SLC5A4: variants seen among roughly 807,000 people sequenced by gnomAD.
The protein encoded by SLC5A4 is solute carrier family 5 member 4.
A neutral mutation model predicts 70.3 loss-of-function variants in SLC5A4; 55 were observed. That is an observed-to-expected ratio of 0.78 (90% CI 0.63 to 0.98). The LOEUF is 0.98. Ranked by LOEUF, SLC5A4 falls within the 50% of genes least tolerant of loss-of-function variation. The pLI is 0.00. For synonymous variants in SLC5A4, 268 were observed against 305.7 expected (o/e 0.88, Z 1.29); for missense variants, 735 against 839.2 (o/e 0.88, Z 1.53).
At chr22:32,246,310 CA>C in intron 5 of SLC5A4, among the ~76,000 whole-genome samples, 1 of 152,308 alleles carries the variant, frequency 6.6e-6, no homozygotes, top group South Asian at 2.1e-4. Flanking sequence ...TCACTTCCAA[CA>C]ACAACTCGGT....
chr22:32,244,807 G>A, intron 5 of SLC5A4, among the ~76,000 whole-genome samples: 1 of 152,142 alleles, frequency 6.6e-6, no homozygotes, highest in East Asian at 1.9e-4. Context: ...TGGGATTACA[G>A]GCAGAAGTCA....
In SLC5A4 at chr22:32,234,015, C is replaced by A. The variant is rs906158485; in HGVS notation, c.885+858G>T. 2.0e-5 allele frequency among the ~76,000 whole-genome samples: 3 copies of A among 152,058 alleles called. 1 individual carries two copies. The highest frequency in any genetic ancestry group is 7.3e-5 in the African/African-American group (3 of 41,378). Reference sequence around the variant, plus strand: ...TTGGGAGGATGGGGGAACAGGTGTGCTTGCATGGGGCTGAGAAGGGAAAGT... The same window carrying A: ...TTGGGAGGATGGGGGAACAGGTGTGATTGCATGGGGCTGAGAAGGGAAAGT... On this transcript the variant is annotated intron_variant, in intron 8 of 14. Transcript: ENST00000266086.
At chr22:32,351,730 GGGGCGGT>G in the SLC5A4 span, among the ~76,000 whole-genome samples, 2 of 51,572 alleles carry the variant, frequency 3.9e-5, no homozygotes, top group Non-Finnish European at 6.5e-5. Context: ...GGGGAGGGTG[GGGGCGGT>G]GGGGGGAGGG....
chr22:32,343,841 G>A, the SLC5A4 span, among the ~76,000 whole-genome samples: 2 of 152,202 alleles, frequency 1.3e-5, no homozygotes, highest in Admixed American at 1.3e-4. Context: ...ATTTTAAGGA[G>A]TGAGTCAGAA....
the SLC5A4 span, among the ~76,000 whole-genome samples, chr22:32,325,757 A>G: frequency 1.9e-4 from 29 of 152,262 alleles, no homozygotes; most frequent in African/African-American, 6.8e-4. Context: ...GGGGACCACT[A>G]GTCCCTGCAA....
chr22:32,326,344 C>T, the SLC5A4 span, among the ~76,000 whole-genome samples: 1 of 150,794 alleles, frequency 6.6e-6, no homozygotes, highest in Non-Finnish European at 1.5e-5. Flanking sequence ...GCAATCTCTG[C>T]CACCCGAGTT....
At chr22:32,310,312 T>C in the SLC5A4 span, among the ~76,000 whole-genome samples, 1 of 152,088 alleles carries the variant, frequency 6.6e-6, no homozygotes, top group Admixed American at 6.5e-5. Flanking sequence ...TCCTTCCTCT[T>C]ACTGATGGGG....
intron 5 of SLC5A4, among the ~76,000 whole-genome samples, chr22:32,242,695 T>C (rs1171056711): frequency 2.0e-5 from 3 of 151,804 alleles, no homozygotes; most frequent in African/African-American, 7.3e-5. Context: ...GGCGACAGAG[T>C]GAGACTCCGT....
chr22:32,259,787 T>C (rs770912149), upstream of SLC5A4, among the ~76,000 whole-genome samples: 1 of 152,344 alleles, frequency 6.6e-6, no homozygotes, highest in East Asian at 1.9e-4. Flanking sequence ...TCTTCCTTAA[T>C]TGTTGGGTAC....
the SLC5A4 span, among the ~76,000 whole-genome samples, chr22:32,260,526 C>A: frequency 1.5e-4 from 21 of 143,514 alleles, no homozygotes; most frequent in South Asian, 2.2e-3. Flanking sequence ...AAAAACAAAA[C>A]CAAAAACAAA....
At chr22:32,269,618 C>T in the SLC5A4 span, 11 of 609,742 alleles carry the variant, frequency 1.8e-5, no homozygotes, top group East Asian at 7.9e-5. The surrounding 1 kb of genome is among the most constrained non-coding windows in gnomAD (Gnocchi z 4.1). Flanking sequence ...AGGCTCTGGC[C>T]GTACCCAAGC....
At chr22:32,319,061 G>GT in the SLC5A4 span, among the ~76,000 whole-genome samples, 1 of 152,202 alleles carries the variant, frequency 6.6e-6, no homozygotes, top group Non-Finnish European at 1.5e-5. Flanking sequence ...GAACCAACAA[G>GT]TAAGGGGGAA....
At chr22:32,238,859 C>G in intron 6 of SLC5A4, 126 bp downstream of exon 6, 1 of 692,952 alleles carries the variant, frequency 1.4e-6, no homozygotes, top group South Asian at 1.7e-5. Context: ...GCTTGACTCT[C>G]ATAGTGGAAA....
chr22:32,331,136 C>CTCCGGTGTG, the SLC5A4 span, among the ~76,000 whole-genome samples: 4 of 35,416 alleles, frequency 1.1e-4, 1 homozygote, highest in Non-Finnish European at 1.7e-4. Flanking sequence ...TCTGGTGTGT[C>CTCCGGTGTG]TGTGTGTTGG....
intron 7 of SLC5A4, among the ~76,000 whole-genome samples, chr22:32,236,699 G>A (rs1926076831): frequency 6.6e-6 from 1 of 151,468 alleles, no homozygotes; most frequent in Non-Finnish European, 1.5e-5. Context: ...ACTTATCTAA[G>A]CAGTAATTTT....
chr22:32,234,841 G>C (rs368961740), intron 8 of SLC5A4, 32 bp downstream of exon 8: 27 of 1,472,496 alleles, frequency 1.8e-5, no homozygotes, highest in Non-Finnish European at 2.6e-5. Flanking sequence ...CAGACAGACA[G>C]ACAGACAGAC....
chr22:32,331,174 C>T, the SLC5A4 span, among the ~76,000 whole-genome samples: 3 of 95,510 alleles, frequency 3.1e-5, no homozygotes, highest in Admixed American at 1.7e-4. Flanking sequence ...TTGGGGGGCT[C>T]TGGTGTATGT....
upstream of SLC5A4, among the ~76,000 whole-genome samples, chr22:32,257,945 C>T (rs1186552879): frequency 6.6e-6 from 1 of 151,924 alleles, no homozygotes; most frequent in Non-Finnish European, 1.5e-5. Flanking sequence ...GCTGGGATTA[C>T]AGGTGTGAGC....
chr22:32,349,271 C>T, the SLC5A4 span, among the ~76,000 whole-genome samples: 2 of 152,218 alleles, frequency 1.3e-5, no homozygotes, highest in Admixed American at 1.3e-4. Flanking sequence ...CTGCGCCCGG[C>T]CTTCCCACGC....
Sources: gnomAD v4.1 joint callset for allele counts (sites outside exome capture counted in the v4.1 genomes callset) on GRCh38, gnomAD v4.1.1 for gene constraint, Gnocchi (gnomAD v3.1) non-coding constraint, MANE v1.5 for transcripts, NCBI Gene and HGNC (gene_info 2026-07-23, HGNC 2026-07-21) for gene names.